Variants in SP100 observed in about 807,000 individuals in gnomAD.
The protein encoded by SP100 is SP100 nuclear body protein.
In SP100, 84 loss-of-function variants were observed where a neutral mutation model predicts 130.0. The ratio of observed to expected loss-of-function variants is 0.65; its 90% confidence interval spans 0.54 to 0.77. The LOEUF (loss-of-function observed/expected upper bound fraction) is 0.77. Ranked by LOEUF, SP100 falls within the 30% of genes least tolerant of loss-of-function variation. SP100 has a pLI of 0.00. For synonymous variants in SP100, 331 were observed against 351.7 expected, an observed-to-expected ratio of 0.94 and a Z score of 0.66; for missense variants, 978 against 1,052.2, an observed-to-expected ratio of 0.93 and a Z score of 0.97.
intron 24 of SP100, among the ~76,000 whole-genome samples, chr2:230,522,144 G>T (rs1023839329): frequency 1.3e-5 from 2 of 152,020 alleles, no homozygotes; most frequent in African/African-American, 4.8e-5. Flanking sequence ...CTGTTTGCAG[G>T]CTGAAAAAGC....
chr2:230,474,318 C>T, intron 16 of SP100, 76 bp from the exon 17 acceptor site: 1 of 759,522 alleles, frequency 1.3e-6, no homozygotes, highest in Non-Finnish European at 2.3e-6. Context: ...GCCTTCCATG[C>T]AGTGTGAATT....
intron 24 of SP100, among the ~76,000 whole-genome samples, chr2:230,519,214 A>G (rs923007116): frequency 3.3e-5 from 5 of 152,176 alleles, no homozygotes; most frequent in African/African-American, 1.2e-4. Context: ...TTTAAAGGGT[A>G]TTGTCTGATA....
intron 2 of SP100, among the ~76,000 whole-genome samples, chr2:230,432,460 TAC>T (rs942028580): frequency 2.6e-5 from 4 of 152,316 alleles, no homozygotes; most frequent in African/African-American, 9.6e-5. Context: ...AAATCTGTCT[TAC>T]AGTGTTTCCG....
chr2:230,446,929 T>C (rs995844649), intron 5 of SP100, 27 bp downstream of exon 5: 2 of 1,404,064 alleles, frequency 1.4e-6, no homozygotes, highest in East Asian at 4.7e-5. Flanking sequence ...AAAAGCTTTT[T>C]TCTAAGAGAG....
intron 2 of SP100, among the ~76,000 whole-genome samples, chr2:230,440,894 T>C (rs2063445740): frequency 6.6e-6 from 1 of 152,098 alleles, no homozygotes; most frequent in Non-Finnish European, 1.5e-5. Flanking sequence ...TTTTTGAATA[T>C]TTTCATGACC....
intron 9 of SP100, among the ~76,000 whole-genome samples, chr2:230,462,218 G>A (rs1294898885): frequency 6.6e-6 from 1 of 152,182 alleles, no homozygotes; most frequent in African/African-American, 2.4e-5. Flanking sequence ...AACAGTGTCA[G>A]TGGATGGGCA....
chr2:230,510,873 T>TTCAG (rs1690539640), intron 23 of SP100: 1 of 540,334 alleles, frequency 1.9e-6, no homozygotes, highest in African/African-American at 1.9e-5. Flanking sequence ...TCAGTCTCCC[T>TTCAG]GAATGGTTTC....
chr2:230,505,249 C>G (rs1689990218), intron 21 of SP100, among the ~76,000 whole-genome samples: 1 of 152,300 alleles, frequency 6.6e-6, no homozygotes, highest in Non-Finnish European at 1.5e-5. Context: ...GAGGCCATCT[C>G]CTCTTACCCT....
intron 4 of SP100, among the ~76,000 whole-genome samples, chr2:230,444,917 T>A (rs2063636538): frequency 6.6e-6 from 1 of 152,340 alleles, no homozygotes; most frequent in South Asian, 2.1e-4. Context: ...AGTCAACCTG[T>A]CATGGGTCAT....
At chr2:230,539,165 G>A in intron 24 of SP100, 102 bp from the exon 25 acceptor site, 1 of 712,792 alleles carries the variant, frequency 1.4e-6, no homozygotes, top group Non-Finnish European at 2.5e-6. Context: ...AATATTTTGA[G>A]GACAGAAATT....
chr2:230,499,630 T>TAA (rs2066903050), intron 19 of SP100, among the ~76,000 whole-genome samples: 5 of 149,108 alleles, frequency 3.4e-5, no homozygotes, highest in Admixed American at 1.3e-4. Flanking sequence ...GAGTATCTCT[T>TAA]AAAAACACCC....
Position 230,416,232 on chromosome 2 carries a change from G to A in SP100, c.-65G>A. ...GGCCTGGGCAGCCACACTGCACGCAGGCTGGGCCGACTGAGGGGCTCAGAG... is the reference window on the plus strand; with the variant it reads ...GGCCTGGGCAGCCACACTGCACGCAAGCTGGGCCGACTGAGGGGCTCAGAG... On this transcript the variant is annotated 5_prime_UTR_variant, in exon 1 of 29. Transcript: ENST00000340126. 1 of 1,413,978 alleles carries A rather than the reference G, an allele frequency of 7.1e-7. No individual in the cohort carries two copies. The highest frequency in any genetic ancestry group is 1.0e-6 in the Non-Finnish European group (1 of 1,004,922). The allele number at this position is 1,413,978 out of a possible 1,614,324, so 87.6% of individuals were successfully genotyped here.
chr2:230,493,273 A>C (rs2066484606), intron 17 of SP100, among the ~76,000 whole-genome samples: 1 of 152,194 alleles, frequency 6.6e-6, no homozygotes, highest in Non-Finnish European at 1.5e-5. Context: ...GCTGGAGTGC[A>C]GTGGAGCCAT....
intron 2 of SP100, among the ~76,000 whole-genome samples, chr2:230,429,637 T>A (rs560830584): frequency 3.4e-4 from 52 of 152,232 alleles, no homozygotes; most frequent in African/African-American, 1.2e-3. Flanking sequence ...AGGCTTTTTT[T>A]AATTCATTTT....
At chr2:230,531,562 AAATT>A (rs1224274983) in intron 24 of SP100, among the ~76,000 whole-genome samples, 5 of 152,282 alleles carry the variant, frequency 3.3e-5, no homozygotes, top group East Asian at 1.9e-4. Flanking sequence ...AAAGAAAAAT[AAATT>A]AATTAATTTA....
rs372813234 is a variant in SP100, at chr2:230,446,779, T to C, written c.440-40T>C. 8 of 1,269,806 alleles carry C rather than the reference T, an allele frequency of 6.3e-6. No homozygotes were observed. In the African/African-American group the frequency reaches 1.0e-4, roughly 16 times the overall value. The allele number at this position is 1,269,806 out of a possible 1,614,324, so 78.7% of individuals were successfully genotyped here. A position where few individuals can be genotyped will look rare whatever the true frequency, so the allele number is the denominator to read the frequency against. On this transcript the variant is annotated intron_variant, in intron 4 of 28. Transcript: ENST00000340126. ...ATTTCCAGACATTGTCCCTGGTCCC[T>C]GTAGATCTCTAATTGCTTCTTCTCT...
intron 24 of SP100, chr2:230,515,799 T>C: frequency 6.9e-7 from 1 of 1,454,310 alleles, no homozygotes; most frequent in Non-Finnish European, 9.0e-7. Flanking sequence ...CTACCGAATG[T>C]GTCTTCAGAT....
At chr2:230,476,579 C>T (rs960036785) in intron 17 of SP100, among the ~76,000 whole-genome samples, 18 of 152,078 alleles carry the variant, frequency 1.2e-4, no homozygotes, top group African/African-American at 4.3e-4. Context: ...TGGTGTCTAT[C>T]TTTCCAGAAT....
chr2:230,542,179 C>G, intron 28 of SP100, 144 bp downstream of exon 28: 1 of 885,558 alleles, frequency 1.1e-6, no homozygotes, highest in South Asian at 1.6e-5. Context: ...TGGAAGTATC[C>G]TAAAAGCCCT....
Sources: allele counts gnomAD v4.1 joint callset (sites outside exome capture counted in the v4.1 genomes callset), GRCh38; gene constraint gnomAD v4.1.1; transcripts MANE v1.5; gene names NCBI Gene and HGNC (gene_info 2026-07-23, HGNC 2026-07-21).